Variants in KITLG observed in about 807,000 individuals in gnomAD.
KITLG encodes the protein KIT ligand.
In KITLG, 13 loss-of-function variants were observed where a neutral mutation model predicts 34.1. The observed-to-expected ratio is 0.38, with a 90% CI of 0.25 to 0.61. The LOEUF (loss-of-function observed/expected upper bound fraction) is 0.61, where lower values mean the gene tolerates loss of function less well. Ranked by LOEUF, KITLG falls within the 20% of genes least tolerant of loss-of-function variation. The pLI, the probability that KITLG is intolerant of heterozygous loss-of-function variation, is 0.60. For synonymous variants in KITLG, 110 were observed against 104.0 expected (o/e 1.06, Z -0.35); for missense variants, 292 against 318.9 (o/e 0.92, Z 0.64).
chr12:88,520,122 T>G (rs1027449962), intron 3 of KITLG, among the ~76,000 whole-genome samples: 5 of 152,152 alleles, frequency 3.3e-5, no homozygotes, highest in Non-Finnish European at 7.3e-5. Context: ...GATAAACAAA[T>G]CTCAACATGG....
intron 6 of KITLG, 111 bp downstream of exon 6, chr12:88,515,423 C>A: frequency 1.4e-6 from 1 of 700,942 alleles, no homozygotes; most frequent in Non-Finnish European, 2.6e-6. Flanking sequence ...ATAACAGTAA[C>A]AGAACAGTAT....
chr12:88,569,211 C>A (rs530208192), intron 1 of KITLG, among the ~76,000 whole-genome samples: 1 of 152,264 alleles, frequency 6.6e-6, no homozygotes, highest in African/African-American at 2.4e-5. Flanking sequence ...AGCCAGCCAC[C>A]ACATATTGGT....
At chr12:88,522,182 C>A (rs1869691916) in intron 3 of KITLG, among the ~76,000 whole-genome samples, 1 of 152,100 alleles carries the variant, frequency 6.6e-6, no homozygotes, top group South Asian at 2.1e-4. Context: ...TAAGACTAAG[C>A]ATAAATTTTT....
intron 3 of KITLG, among the ~76,000 whole-genome samples, chr12:88,521,860 T>C (rs1869679658): frequency 1.3e-5 from 2 of 152,186 alleles, no homozygotes; most frequent in African/African-American, 2.4e-5. Flanking sequence ...ATAGCAGCTC[T>C]AGCTAGGACT....
chr12:88,540,563 G>A (rs911702862), intron 2 of KITLG, among the ~76,000 whole-genome samples: 1 of 152,122 alleles, frequency 6.6e-6, no homozygotes, highest in Non-Finnish European at 1.5e-5. Context: ...ATTTTGAGAG[G>A]CAGAGGTGGG....
rs1176868288 is a variant in KITLG at position 88,493,650 on chromosome 12, T to C, written c.*3569A>G. 1 of 151,974 alleles carries C rather than the reference T, an allele frequency of 6.6e-6. No individual in the cohort carries two copies. Among genetic ancestry groups the C allele is most frequent in the East Asian group, 1.9e-4 (1 of 5,192 alleles). 9.4% of individuals were successfully genotyped at this position (151,974 alleles called of 1,614,324 possible). A position where few individuals can be genotyped will look rare whatever the true frequency, so the allele number is the denominator to read the frequency against. ...CCCTTTATAAATTGATTCTAAAATA[T>C]CTTTTGGCATTCAAAACCTTCATGA... is the stretch of plus-strand genomic sequence containing the variant. On this transcript the variant is annotated 3_prime_UTR_variant, in exon 10 of 10. Transcript: ENST00000644744.
intron 3 of KITLG, among the ~76,000 whole-genome samples, chr12:88,532,155 G>A (rs1307524847): frequency 6.6e-6 from 1 of 152,098 alleles, no homozygotes; most frequent in African/African-American, 2.4e-5. Context: ...GGTGGAGTGA[G>A]TGGGGAGGAT....
In KITLG at chr12:88,536,724, T is replaced by G. The variant is rs1468272000; in HGVS notation, c.130-4221A>C. ...CTGGAAACAATCATTCTCAGTAAAC[T>G]AACACAACAACAGAAAACCAAACAC... On this transcript the variant is annotated intron_variant, in intron 2 of 9. Transcript: ENST00000644744. 2.0e-5 allele frequency among the ~76,000 whole-genome samples: 3 copies of G among 152,066 alleles called. No homozygotes were observed. In the East Asian group the frequency reaches 5.8e-4, roughly 29 times the overall value.
intron 6 of KITLG, among the ~76,000 whole-genome samples, chr12:88,513,283 T>C (rs1869344530): frequency 6.6e-6 from 1 of 151,304 alleles, no homozygotes; most frequent in Non-Finnish European, 1.5e-5. Context: ...TGCAAAAGGG[T>C]GCTGTTGAAA....
At chr12:88,500,664 G>A (rs1429679774) in intron 9 of KITLG, among the ~76,000 whole-genome samples, 1 of 152,100 alleles carries the variant, frequency 6.6e-6, no homozygotes, top group Non-Finnish European at 1.5e-5. Context: ...ATATGAAAAA[G>A]GTTTTTGTAG....
At chr12:88,524,671 G>C (rs1254993660) in intron 3 of KITLG, among the ~76,000 whole-genome samples, 1 of 151,854 alleles carries the variant, frequency 6.6e-6, no homozygotes, top group Non-Finnish European at 1.5e-5. Context: ...GAGAATAATG[G>C]CCTAGATAAT....
At position 88,574,114 on chromosome 12, in the gene KITLG, T is replaced by C. The variant is rs537891473; in HGVS notation, c.15+6150A>G. 2.0e-5 allele frequency among the ~76,000 whole-genome samples: 3 copies of C among 152,002 alleles called. No homozygotes were observed. In the South Asian group the frequency reaches 6.2e-4, roughly 32 times the overall value. ...AGACTATTGCCTCAATTCTAAACTT[T>C]GTTTTAGTGGATAGCTCAGTGGGCA... On this transcript the variant is annotated intron_variant, in intron 1 of 9. Transcript: ENST00000644744.
intron 1 of KITLG, among the ~76,000 whole-genome samples, chr12:88,579,925 ACATG>A (rs1346660920): frequency 2.6e-5 from 4 of 152,220 alleles, no homozygotes; most frequent in African/African-American, 9.6e-5. Context: ...CTATGCAAAG[ACATG>A]CCTTCCCGTG....
chr12:88,572,485 C>T (rs1179090883), intron 1 of KITLG, among the ~76,000 whole-genome samples: 1 of 150,148 alleles, frequency 6.7e-6, no homozygotes, highest in Non-Finnish European at 1.5e-5. Flanking sequence ...GCATAGAGTA[C>T]TGTGGCTTCA....
chr12:88,509,506 T>G (rs1199676072), intron 6 of KITLG, among the ~76,000 whole-genome samples: 1 of 152,164 alleles, frequency 6.6e-6, no homozygotes, highest in East Asian at 1.9e-4. Context: ...GTGACTACCA[T>G]GTTGACAGTT....
intron 1 of KITLG, among the ~76,000 whole-genome samples, chr12:88,569,173 C>T (rs922952455): frequency 3.3e-5 from 5 of 152,136 alleles, no homozygotes; most frequent in Non-Finnish European, 7.3e-5. Flanking sequence ...CTTGGGAATG[C>T]GAGCTCTGAA....
chr12:88,506,971 A>G (rs949206231), intron 7 of KITLG, 57 bp downstream of exon 7: 5 of 957,418 alleles, frequency 5.2e-6, no homozygotes, highest in Admixed American at 1.7e-5. Context: ...GAGGAAAAAA[A>G]GATGATAATT....
Position 88,496,323 on chromosome 12 carries a change from T to C in KITLG, c.*896A>G, listed in dbSNP as rs1193560813. 1 of 152,210 alleles carries C rather than the reference T, an allele frequency of 6.6e-6. No homozygotes were observed. Among genetic ancestry groups the C allele is most frequent in the Admixed American group, 6.6e-5 (1 of 15,266 alleles). The allele number at this position is 152,210 out of a possible 1,614,324, so 9.4% of individuals were successfully genotyped here. Reference sequence around the variant, plus strand: ...TTCAGCATTTTCTCCTAAGTCCCTTTACATAGCTCTGTAATAGTTTTAGAA... The same window carrying C: ...TTCAGCATTTTCTCCTAAGTCCCTTCACATAGCTCTGTAATAGTTTTAGAA... On this transcript the variant is annotated 3_prime_UTR_variant, in exon 10 of 10. Coordinates refer to ENST00000644744, the MANE Select transcript of KITLG (RefSeq NM_000899.5).
chr12:88,564,335 A>G (rs1355960665), intron 1 of KITLG: 1 of 152,120 alleles, frequency 6.6e-6, no homozygotes, highest in Non-Finnish European at 1.5e-5. Context: ...TTTTCAAAGC[A>G]GCTGCTTTGC....
Sources: gnomAD v4.1 joint callset for allele counts (sites outside exome capture counted in the v4.1 genomes callset) on GRCh38, gnomAD v4.1.1 for gene constraint, MANE v1.5 for transcripts, NCBI Gene and HGNC (gene_info 2026-07-23, HGNC 2026-07-21) for gene names.